STK31: variants seen among roughly 807,000 people sequenced by gnomAD.
The protein encoded by STK31 is serine/threonine-protein kinase 31.
STK31 carries 89 observed loss-of-function variants against 129.7 expected under a neutral mutation model. The ratio of observed to expected loss-of-function variants is 0.69; its 90% confidence interval spans 0.58 to 0.82. The LOEUF is 0.82. Among genes scored for constraint, STK31 ranks in the 40% least tolerant of loss-of-function variants. The pLI is 0.00. For missense variants in STK31, 1,187 were observed against 1,176.4 expected (o/e 1.01, Z -0.13); for synonymous variants, 448 against 395.3 (o/e 1.13, Z -1.58).
intron 21 of STK31, among the ~76,000 whole-genome samples, chr7:23,789,100 G>T (rs1307146650): frequency 5.9e-5 from 9 of 152,100 alleles, no homozygotes; most frequent in Admixed American, 5.9e-4. Flanking sequence ...AGTGTTTTCA[G>T]AGTTCATCCA....
chr7:23,724,368 G>A (rs1786920714), intron 4 of STK31, among the ~76,000 whole-genome samples: 1 of 152,188 alleles, frequency 6.6e-6, no homozygotes, highest in Non-Finnish European at 1.5e-5. Context: ...GGGTCAATTG[G>A]AGTTTGTCCG....
rs60631283 is a variant in STK31, at chr7:23,808,970, T to TGTGTGTGTGTGTGTGTGCGC, written c.2761-6173_2761-6172insTGTGTGTGTGTGTGTGCGCG. ...GTGTGTGTGTGTGTGTGTGTGTGTG[T>TGTGTGTGTGTGTGTGTGCGC]GCCTGTGTCTGTTGGCATTTCTGGG... On this transcript the variant is annotated intron_variant, in intron 22 of 23. Transcript: ENST00000355870. 6.7e-3 allele frequency among the ~76,000 whole-genome samples: 931 copies of TGTGTGTGTGTGTGTGTGCGC among 139,644 alleles called. 11 individuals are homozygous for TGTGTGTGTGTGTGTGTGCGC. Among genetic ancestry groups the TGTGTGTGTGTGTGTGTGCGC allele is most frequent in the East Asian group, 0.015 (71 of 4,698 alleles). The allele number at this position is 139,644 out of a possible 152,430, so 91.6% of individuals were successfully genotyped here.
At chr7:23,802,631 A>C (rs1792449849) in intron 22 of STK31, among the ~76,000 whole-genome samples, 1 of 152,164 alleles carries the variant, frequency 6.6e-6, no homozygotes, top group African/African-American at 2.4e-5. Flanking sequence ...CTTGTGCCTC[A>C]GCCTCCCGAG....
chr7:23,710,427 G>A, intron 1 of STK31, 92 bp downstream of exon 1: 71 of 1,596,760 alleles, frequency 4.4e-5, no homozygotes, highest in South Asian at 1.5e-4. Context: ...ATCCTGGGAC[G>A]AGGCCCATTT....
At chr7:23,746,793 A>G (rs548895608) in intron 8 of STK31, among the ~76,000 whole-genome samples, 1 of 152,182 alleles carries the variant, frequency 6.6e-6, no homozygotes, top group South Asian at 2.1e-4. Context: ...GAAGAGGTGG[A>G]GGGATAAATA....
At chr7:23,753,511 G>T (rs1464388850) in intron 9 of STK31, among the ~76,000 whole-genome samples, 1 of 152,162 alleles carries the variant, frequency 6.6e-6, no homozygotes, top group Non-Finnish European at 1.5e-5. Context: ...GAGTGAATGA[G>T]TATATACAGA....
chr7:23,725,710 A>G (rs1448549557), intron 4 of STK31, among the ~76,000 whole-genome samples: 1 of 152,222 alleles, frequency 6.6e-6, no homozygotes, highest in African/African-American at 2.4e-5. Context: ...CATAACTCCA[A>G]CATAGTATAG....
intron 15 of STK31, among the ~76,000 whole-genome samples, chr7:23,774,187 G>A: frequency 6.6e-6 from 1 of 152,142 alleles, no homozygotes; most frequent in East Asian, 1.9e-4. Context: ...ATTATTGATG[G>A]GCAACTGGGT....
chr7:23,769,741 G>A lies in STK31; in HGVS notation c.1698G>A (p.Leu566=), dbSNP rs1342131880. The change falls in exon 13 of 24, where the codon CTG becomes CTA. Residue 566 remains leucine (L), a synonymous_variant. Coordinates refer to ENST00000355870, the MANE Select transcript of STK31 (RefSeq NM_031414.5). ...CTGAGTCAAGTGTCTGCAAAGAGCTGGAGATAGCTCTGGTTGTGAGTATCG... is the reference window on the plus strand; with the variant it reads ...CTGAGTCAAGTGTCTGCAAAGAGCTAGAGATAGCTCTGGTTGTGAGTATCG... ...EKTESSVCKE[L]EIALVDQGDA... is the part of the protein sequence containing the mutation. The A allele has an allele frequency of 4.4e-6, 7 of 1,602,302 alleles. No homozygotes were observed. Among genetic ancestry groups the A allele is most frequent in the Non-Finnish European group, 6.0e-6 (7 of 1,171,256 alleles).
intron 4 of STK31, chr7:23,726,458 TAC>T (rs1787085418): frequency 1.9e-5 from 1 of 53,706 alleles, no homozygotes; most frequent in African/African-American, 7.5e-5. Context: ...AAAAAAAAAA[TAC>T]AAAACTTAGC....
Position 23,712,214 on chromosome 7 carries a change from G to T in STK31, c.98-20G>T. On this transcript the variant is annotated intron_variant, in intron 2 of 23. Transcript: ENST00000355870. ...TACTGATTAATTTCTAATTTTCCTTGTATTGTGATTTGATTTTAGTGGAAG... is the reference window on the plus strand; with the variant it reads ...TACTGATTAATTTCTAATTTTCCTTTTATTGTGATTTGATTTTAGTGGAAG... 6.2e-7 allele frequency: 1 copy of T among 1,614,028 alleles called. No individual in the cohort carries two copies. Among genetic ancestry groups the T allele is most frequent in the Non-Finnish European group, 8.5e-7 (1 of 1,179,956 alleles).
rs114127177 is a variant in STK31 at position 23,771,140 on chromosome 7, C to G, written c.1833+16C>G. The stretch of plus-strand genomic sequence containing the variant: ...CAGTATTGAGGTTTGATTGTGCTTT[C>G]TCTTATTGATCTTATAAATTGATGA... On this transcript the variant is annotated intron_variant, in intron 14 of 23. Coordinates refer to ENST00000355870, the MANE Select transcript of STK31 (RefSeq NM_031414.5). 414 of 1,541,432 alleles carry G rather than the reference C, an allele frequency of 2.7e-4. 1 individual carries two copies. The African/African-American group carries it at 5.3e-3, about 20-fold the overall frequency.
At chr7:23,792,056 G>T (rs976659978) in intron 22 of STK31, among the ~76,000 whole-genome samples, 1 of 152,152 alleles carries the variant, frequency 6.6e-6, no homozygotes, top group African/African-American at 2.4e-5. Flanking sequence ...AACTACCCTT[G>T]GCTTGCAGCT....
intron 8 of STK31, among the ~76,000 whole-genome samples, chr7:23,748,886 G>T (rs531808629): frequency 6.6e-6 from 1 of 152,190 alleles, no homozygotes; most frequent in East Asian, 1.9e-4. Context: ...CAAGACTGTT[G>T]GGGGTTGGCA....
At chr7:23,786,311 G>A (rs1297403070) in intron 18 of STK31, among the ~76,000 whole-genome samples, 197 bp from the exon 19 acceptor site, 1 of 152,004 alleles carries the variant, frequency 6.6e-6, no homozygotes, top group African/African-American at 2.4e-5. Context: ...AGAATGTGTA[G>A]CAGGCTACAG....
chr7:23,766,303 C>A (rs1281004017), intron 11 of STK31, among the ~76,000 whole-genome samples: 1 of 152,170 alleles, frequency 6.6e-6, no homozygotes, highest in Non-Finnish European at 1.5e-5. Flanking sequence ...TGCTCTTTCA[C>A]CCAGGCTGGA....
intron 4 of STK31, among the ~76,000 whole-genome samples, chr7:23,725,564 G>A (rs1400059896): frequency 2.0e-5 from 3 of 151,788 alleles, no homozygotes; most frequent in African/African-American, 7.3e-5. Flanking sequence ...TTATCAGCCT[G>A]CAGTGATTTT....
chr7:23,774,685 T>C (rs1790426964), intron 15 of STK31, among the ~76,000 whole-genome samples: 1 of 152,238 alleles, frequency 6.6e-6, no homozygotes, highest in Admixed American at 6.5e-5. Flanking sequence ...TAAACCTTTG[T>C]CAGATGGGTA....
At chr7:23,753,456 C>T (rs1043347792) in intron 9 of STK31, among the ~76,000 whole-genome samples, 3 of 152,110 alleles carry the variant, frequency 2.0e-5, no homozygotes, top group African/African-American at 2.4e-5. Context: ...ATAGATGTGG[C>T]CACCTGCAAC....
Sources: gnomAD v4.1 joint callset for allele counts (sites outside exome capture counted in the v4.1 genomes callset) on GRCh38, gnomAD v4.1.1 for gene constraint, MANE v1.5 for transcripts, NCBI Gene and HGNC (gene_info 2026-07-23, HGNC 2026-07-21) for gene names.